Variants in ATP2B2 observed in about 807,000 individuals in gnomAD.
ATP2B2 encodes ATPase plasma membrane Ca2+ transporting 2, also known as plasma membrane calcium-transporting ATPase 2.
Under a neutral mutation model 120.0 loss-of-function variants are expected in ATP2B2, and 15 were observed. The observed-to-expected ratio is 0.12, with a 90% CI of 0.08 to 0.19. The LOEUF is 0.19. Among genes scored for constraint, ATP2B2 ranks in the 10% least tolerant of loss-of-function variants. The probability of loss-of-function intolerance (pLI) is 1.00; values close to 1 mark genes in which losing one functional copy is unlikely to be tolerated. For synonymous variants in ATP2B2, 694 were observed against 700.3 expected (o/e 0.99, Z 0.14); for missense variants, 1,045 against 1,719.8 (o/e 0.61, Z 6.94).
chr3:10,695,359 C>CACA (rs1379343200), intron 1 of ATP2B2, among the ~76,000 whole-genome samples: 15 of 151,872 alleles, frequency 9.9e-5, no homozygotes, highest in African/African-American at 2.9e-4. Context: ...ATGAGAACAG[C>CACA]ACATGAAAGA....
chr3:10,605,981 G>A (rs2069054400), intron 2 of ATP2B2, among the ~76,000 whole-genome samples: 1 of 152,014 alleles, frequency 6.6e-6, no homozygotes, highest in Admixed American at 6.6e-5. Flanking sequence ...AGTTGGCTGT[G>A]GTGGTATGCA....
chr3:10,685,516 G>A (rs1046496654), intron 1 of ATP2B2, among the ~76,000 whole-genome samples: 1 of 152,108 alleles, frequency 6.6e-6, no homozygotes, highest in African/African-American at 2.4e-5. Flanking sequence ...GAGAGAGAGA[G>A]TGTGTGTATG....
At chr3:10,572,312 C>T (rs1156387433) in intron 2 of ATP2B2, among the ~76,000 whole-genome samples, 4 of 152,038 alleles carry the variant, frequency 2.6e-5, no homozygotes, top group Admixed American at 6.5e-5. Context: ...ATACACAGGC[C>T]GAAAAACAGA....
intron 2 of ATP2B2, among the ~76,000 whole-genome samples, chr3:10,540,947 T>C (rs1291914177): frequency 6.6e-6 from 1 of 151,962 alleles, no homozygotes; most frequent in Non-Finnish European, 1.5e-5. Flanking sequence ...CCTTAGTAAT[T>C]ATAGGGATAT....
At chr3:10,518,453 G>A (rs1459672003) in intron 3 of ATP2B2, among the ~76,000 whole-genome samples, 2 of 152,186 alleles carry the variant, frequency 1.3e-5, no homozygotes, top group Non-Finnish European at 2.9e-5. Flanking sequence ...AGGGATAGGG[G>A]AGGCATTCCT....
At chr3:10,548,731 T>C (rs986588157) in intron 2 of ATP2B2, among the ~76,000 whole-genome samples, 1 of 152,198 alleles carries the variant, frequency 6.6e-6, no homozygotes, top group Non-Finnish European at 1.5e-5. Flanking sequence ...TGCACTTGAA[T>C]CGTCATCTTA....
intron 22 of ATP2B2, chr3:10,332,124 G>A: frequency 8.3e-7 from 1 of 1,203,734 alleles, no homozygotes; most frequent in South Asian, 1.3e-5. Flanking sequence ...GCCAACCCAA[G>A]GTTGCACTAA....
At chr3:10,629,067 C>T (rs184361239) in intron 1 of ATP2B2, among the ~76,000 whole-genome samples, 3 of 152,306 alleles carry the variant, frequency 2.0e-5, no homozygotes, top group South Asian at 2.1e-4. Flanking sequence ...AGGGCACAGC[C>T]GGGCCTTCTG....
At chr3:10,621,662 T>C (rs2069552939) in intron 1 of ATP2B2, among the ~76,000 whole-genome samples, 1 of 152,154 alleles carries the variant, frequency 6.6e-6, no homozygotes, top group Non-Finnish European at 1.5e-5. Context: ...ACAATAGCAA[T>C]CTTACTAATA....
intron 2 of ATP2B2, among the ~76,000 whole-genome samples, chr3:10,432,809 C>T (rs113694076): frequency 8.8e-4 from 134 of 152,240 alleles, no homozygotes; most frequent in African/African-American, 2.7e-3. Context: ...ACAGAGGGAA[C>T]GACAGGGAAG....
intron 18 of ATP2B2, 51 bp downstream of exon 18, chr3:10,345,333 G>T (rs768243177): frequency 6.2e-7 from 1 of 1,601,858 alleles, no homozygotes; most frequent in Non-Finnish European, 8.5e-7. Context: ...GAGCCTCTGT[G>T]GGGGGTCTCC....
intron 1 of ATP2B2, among the ~76,000 whole-genome samples, chr3:10,663,019 A>C (rs1559510094): frequency 6.9e-6 from 1 of 144,382 alleles, no homozygotes; most frequent in Non-Finnish European, 1.5e-5. Flanking sequence ...GCATGTTCTC[A>C]CTCATAGGTG....
intron 6 of ATP2B2, among the ~76,000 whole-genome samples, chr3:10,386,999 C>T (rs1291403809): frequency 6.6e-6 from 1 of 152,214 alleles, no homozygotes; most frequent in Non-Finnish European, 1.5e-5. Context: ...GCGTCTTCCC[C>T]TCACTCAAGC....
chr3:10,693,052 G>T (rs1432805622), intron 1 of ATP2B2, among the ~76,000 whole-genome samples: 1 of 152,174 alleles, frequency 6.6e-6, no homozygotes, highest in East Asian at 1.9e-4. Flanking sequence ...TTCCAGACAG[G>T]ATTGATAGGC....
intron 2 of ATP2B2, among the ~76,000 whole-genome samples, chr3:10,583,101 A>T (rs949258049): frequency 5.3e-5 from 8 of 152,226 alleles, no homozygotes; most frequent in Non-Finnish European, 1.2e-4. Flanking sequence ...TGCATTTGTC[A>T]TCACGACCTC....
chr3:10,568,115 C>T (rs1305592648), intron 2 of ATP2B2, among the ~76,000 whole-genome samples: 1 of 152,224 alleles, frequency 6.6e-6, no homozygotes, highest in Non-Finnish European at 1.5e-5. Flanking sequence ...GAGCCTGGTC[C>T]TGCCCAGAGT....
chr3:10,620,343 T>G (rs1047029668), intron 1 of ATP2B2, among the ~76,000 whole-genome samples: 7 of 152,104 alleles, frequency 4.6e-5, no homozygotes, highest in Non-Finnish European at 8.8e-5. Context: ...CTTAGAGAAA[T>G]CAAGGGTGAG....
At chr3:10,431,417 G>T (rs1016120024) in intron 2 of ATP2B2, among the ~76,000 whole-genome samples, 1 of 152,170 alleles carries the variant, frequency 6.6e-6, no homozygotes, top group Non-Finnish European at 1.5e-5. Flanking sequence ...TGATCAGTCA[G>T]CAGCCATCAA....
Position 10,514,315 on chromosome 3 carries a change from G to A in ATP2B2, c.-320+19724C>T, listed in dbSNP as rs749915968. On this transcript the variant is annotated intron_variant, in intron 3 of 21. Transcript: ENST00000646379. Reference sequence around the variant, plus strand: ...AGGTGGGATGGAGGGCCAGAGCCAAGCCTGAAGGAGGAGGACAGACAGGAA... The same window carrying A: ...AGGTGGGATGGAGGGCCAGAGCCAAACCTGAAGGAGGAGGACAGACAGGAA... Among the ~76,000 whole-genome samples the A allele has an allele frequency of 2.6e-5, 4 of 152,198 alleles. No individual in the cohort carries two copies. In the East Asian group the frequency reaches 7.7e-4, roughly 29 times the overall value.
Sources: allele counts gnomAD v4.1 joint callset (sites outside exome capture counted in the v4.1 genomes callset), GRCh38; gene constraint gnomAD v4.1.1; transcripts MANE v1.5; gene names NCBI Gene and HGNC (gene_info 2026-07-23, HGNC 2026-07-21).